The following XDH variants were observed in gnomAD, a reference collection of about 807,000 sequenced individuals.
XDH encodes xanthine dehydrogenase/oxidase.
XDH carries 138 observed loss-of-function variants against 156.1 expected under a neutral mutation model. The observed-to-expected ratio is 0.88, with a 90% CI of 0.77 to 1.02. XDH has a LOEUF of 1.02. Ranked by LOEUF, XDH falls within the 50% of genes least tolerant of loss-of-function variation. The pLI is 0.00. For missense variants in XDH, 1,849 were observed against 1,684.9 expected, an observed-to-expected ratio of 1.10 and a Z score of -1.71; for synonymous variants, 669 against 625.7, an observed-to-expected ratio of 1.07 and a Z score of -1.03.
At chr2:31,375,695 G>A (rs965533087) in intron 14 of XDH, 141 bp from the exon 15 acceptor site, 6 of 849,048 alleles carry the variant, frequency 7.1e-6, no homozygotes, top group Non-Finnish European at 1.1e-5. Context: ...GGTGACTTTA[G>A]GCAACTTTAA....
chr2:31,354,253 G>A (rs1000877856), intron 24 of XDH, among the ~76,000 whole-genome samples: 2 of 152,186 alleles, frequency 1.3e-5, no homozygotes, highest in Non-Finnish European at 2.9e-5. Flanking sequence ...GCTAGAGCAA[G>A]GTCAGAAGGA....
At chr2:31,371,843 G>A (rs1319911371) in intron 17 of XDH, among the ~76,000 whole-genome samples, 1 of 152,180 alleles carries the variant, frequency 6.6e-6, no homozygotes, top group South Asian at 2.1e-4. Context: ...CCAAGGAAGG[G>A]CTTTTCCTAG....
At chr2:31,340,355 G>A (rs751607176) in intron 33 of XDH, among the ~76,000 whole-genome samples, 5 of 152,196 alleles carry the variant, frequency 3.3e-5, no homozygotes, top group Admixed American at 1.3e-4. Context: ...CCAGATTTTC[G>A]TATACTCAGT....
In XDH at chr2:31,334,647, A is replaced by G. The variant is rs1684928556; in HGVS notation, c.*1311T>C. 1 of 152,182 alleles carries G rather than the reference A, an allele frequency of 6.6e-6. No homozygotes were observed. The highest frequency in any genetic ancestry group is 1.5e-5 in the Non-Finnish European group (1 of 68,030). The allele number at this position is 152,182 out of a possible 1,614,324, so 9.4% of individuals were successfully genotyped here. A position where few individuals can be genotyped will look rare whatever the true frequency, so the allele number is the denominator to read the frequency against. On this transcript the variant is annotated 3_prime_UTR_variant, in exon 36 of 36. Transcript: ENST00000379416. ...TTAGATAGCTGCAGATCCTTTATGT[A>G]ACTGGAGTTTTCAGGTCATATATTT...
intron 30 of XDH, among the ~76,000 whole-genome samples, chr2:31,345,543 T>C (rs971686729): frequency 2.4e-4 from 36 of 152,352 alleles, no homozygotes; most frequent in Admixed American, 1.1e-3. Context: ...TTTAGCACTT[T>C]GCATACATTA....
rs1336938494 is a variant in XDH, at chr2:31,383,867, T to C, written c.794-20A>G. On this transcript the variant is annotated intron_variant, in intron 9 of 35. Coordinates refer to ENST00000379416, the MANE Select transcript of XDH (RefSeq NM_000379.4). Reference sequence around the variant, plus strand: ...CAATGCCTAGAGAGAAACAAGAAGCTGAAGTTGTAGGCCCATTGTTGTATC... The same window carrying C: ...CAATGCCTAGAGAGAAACAAGAAGCCGAAGTTGTAGGCCCATTGTTGTATC... 9.9e-6 allele frequency: 16 copies of C among 1,611,008 alleles called. No homozygotes were observed. Among genetic ancestry groups the C allele is most frequent in the Non-Finnish European group, 1.2e-5 (14 of 1,178,286 alleles).
intron 29 of XDH, 24 bp from the exon 30 acceptor site, chr2:31,346,867 C>T (rs769394228): frequency 4.3e-6 from 7 of 1,613,720 alleles, no homozygotes; most frequent in Admixed American, 1.7e-5. Context: ...CCCCCACACC[C>T]CAGACACATC....
In XDH at chr2:31,398,664, C is replaced by T. The variant is rs377004053; in HGVS notation, c.342G>A (p.Gly114=). 3.1e-6 allele frequency: 5 copies of T among 1,614,108 alleles called. No homozygotes were observed. The highest frequency in any genetic ancestry group is 1.3e-5 in the African/African-American group (1 of 75,030). ...RIAKSHGSQC[G]FCTPGIVMSM... is the part of the protein sequence containing the mutation. ...TCATGACGATGCCAGGGGTGCAGAA[C>T]CCGCACTGGGAGCCGTGGCTTTTGG... The change falls in exon 5 of 36, where the codon GGG becomes GGA. Residue 114 remains glycine (G), a synonymous_variant. Coordinates refer to ENST00000379416, the MANE Select transcript of XDH (RefSeq NM_000379.4).
intron 9 of XDH, chr2:31,384,075 A>G (rs995453239): frequency 1.3e-5 from 7 of 534,538 alleles, no homozygotes; most frequent in African/African-American, 9.6e-5. Flanking sequence ...TTCCCTCTCA[A>G]AAAACCTACC....
chr2:31,366,201 A>C, intron 21 of XDH, 92 bp from the exon 22 acceptor site: 4 of 1,597,536 alleles, frequency 2.5e-6, no homozygotes, highest in Non-Finnish European at 3.4e-6. Flanking sequence ...CATGGACCTA[A>C]TTACTGCTGC....
Position 31,366,156 on chromosome 2 carries a change from T to C in XDH, c.2323-47A>G, listed in dbSNP as rs371243696. 6.7e-5 allele frequency: 108 copies of C among 1,614,170 alleles called. No homozygotes were observed. In the African/African-American group the frequency reaches 1.3e-3, roughly 19 times the overall value. On this transcript the variant is annotated intron_variant, in intron 21 of 35. Coordinates refer to ENST00000379416, the MANE Select transcript of XDH (RefSeq NM_000379.4). ...TTCGCACTGAATGCATTACCTGAACTTATTTCAGGCCTAAGGCAGAGCCTG... is the reference window on the plus strand; with the variant it reads ...TTCGCACTGAATGCATTACCTGAACCTATTTCAGGCCTAAGGCAGAGCCTG...
chr2:31,342,836 G>C (rs948817083), intron 31 of XDH, among the ~76,000 whole-genome samples: 1 of 152,156 alleles, frequency 6.6e-6, no homozygotes, highest in Non-Finnish European at 1.5e-5. Context: ...CAAATGATTT[G>C]AGGGAAATGA....
intron 9 of XDH, 119 bp from the exon 10 acceptor site, chr2:31,383,966 T>C: frequency 1.1e-6 from 1 of 919,780 alleles, no homozygotes; most frequent in Non-Finnish European, 1.7e-6. Context: ...CATAATATGC[T>C]CTCTGGTGAC....
Position 31,375,497 on chromosome 2 carries a change from A to G in XDH, c.1485T>C (p.His495=). ...DVCAGLAEEL[H]LPPDAPGGMV... ...TGCCACCAGGGGCATCGGGAGGCAG[A>G]TGCAGCTCCTCTGCCAGTCCTGCAC... Residue 495 remains histidine (H), a synonymous_variant, in exon 15 of 36, where the codon CAT becomes CAC. Transcript: ENST00000379416. 1.2e-6 allele frequency: 2 copies of G among 1,614,098 alleles called. No homozygotes were observed. The highest frequency in any genetic ancestry group is 2.2e-5 in the South Asian group (2 of 91,078).
intron 1 of XDH, among the ~76,000 whole-genome samples, chr2:31,409,673 T>C (rs968154491): frequency 1.3e-4 from 20 of 152,162 alleles, no homozygotes; most frequent in African/African-American, 4.8e-4. Context: ...ATCAGAACTA[T>C]AATGAGATTT....
At chr2:31,378,611 T>C (rs924995225) in intron 13 of XDH, among the ~76,000 whole-genome samples, 1 of 152,094 alleles carries the variant, frequency 6.6e-6, no homozygotes, top group African/African-American at 2.4e-5. Context: ...TTGACCTTTG[T>C]TCTGGAACAG....
chr2:31,403,949 C>G (rs1420791823), intron 2 of XDH, among the ~76,000 whole-genome samples: 1 of 152,112 alleles, frequency 6.6e-6, no homozygotes, highest in Non-Finnish European at 1.5e-5. Context: ...CTGGTCACTT[C>G]TCTCATTTTC....
chr2:31,349,603 T>C, intron 26 of XDH, 83 bp downstream of exon 26: 1 of 1,517,854 alleles, frequency 6.6e-7, no homozygotes, highest in Non-Finnish European at 8.8e-7. Flanking sequence ...CATTGAATTA[T>C]TAGCTTCCTA....
chr2:31,376,508 T>C (rs570509698), intron 14 of XDH, among the ~76,000 whole-genome samples: 5 of 149,380 alleles, frequency 3.3e-5, no homozygotes, highest in Middle Eastern at 3.5e-3. Flanking sequence ...AGTAATGTTA[T>C]TAGTAAAATA....
Sources: gnomAD v4.1 joint callset for allele counts (sites outside exome capture counted in the v4.1 genomes callset) on GRCh38, gnomAD v4.1.1 for gene constraint, MANE v1.5 for transcripts, NCBI Gene and HGNC (gene_info 2026-07-23, HGNC 2026-07-21) for gene names.